Variants in LHFPL6 observed in about 807,000 individuals in gnomAD.
The protein encoded by LHFPL6 is LHFPL tetraspan subfamily member 6, also known as LHFPL tetraspan subfamily member 6 protein.
Under a neutral mutation model 20.6 loss-of-function variants are expected in LHFPL6, and 9 were observed. That is an observed-to-expected ratio of 0.44 (90% CI 0.26 to 0.76). The LOEUF is 0.76. LHFPL6 is among the 30% of genes least tolerant of loss of function. The pLI is 0.20. For missense variants in LHFPL6, 218 were observed against 253.5 expected (o/e 0.86, Z 0.95); for synonymous variants, 105 against 98.7 (o/e 1.06, Z -0.38).
chr13:39,578,500 G>C (rs1872185617), intron 2 of LHFPL6, among the ~76,000 whole-genome samples: 1 of 152,154 alleles, frequency 6.6e-6, no homozygotes, highest in African/African-American at 2.4e-5. Context: ...TCTGCATTGT[G>C]CCATGAGGTG....
chr13:39,470,435 A>C lies in LHFPL6; in HGVS notation c.386-91909T>G, dbSNP rs1872914414. 2.0e-5 allele frequency among the ~76,000 whole-genome samples: 3 copies of C among 152,160 alleles called. No individual in the cohort carries two copies. The South Asian group carries it at 6.2e-4, about 31-fold the overall frequency. On this transcript the variant is annotated intron_variant, in intron 2 of 3. Transcript: ENST00000379589. ...ATGCCAGTTTTTATACGGTAATTAA[A>C]CACTGGCTACTAAGAGCTAAATTAA...
intron 2 of LHFPL6, among the ~76,000 whole-genome samples, chr13:39,496,803 G>A (rs991659875): frequency 1.3e-5 from 2 of 152,164 alleles, no homozygotes; most frequent in African/African-American, 4.8e-5. Context: ...GGTGGCAGGT[G>A]CCAGAGGCAT....
intron 2 of LHFPL6, among the ~76,000 whole-genome samples, chr13:39,594,040 C>G (rs969668584): frequency 6.6e-6 from 1 of 152,068 alleles, no homozygotes; most frequent in African/African-American, 2.4e-5. Flanking sequence ...CATTACCATT[C>G]AGGACATAGG....
At chr13:39,510,532 GC>G (rs1284633719) in intron 2 of LHFPL6, among the ~76,000 whole-genome samples, 1 of 152,184 alleles carries the variant, frequency 6.6e-6, no homozygotes, top group Non-Finnish European at 1.5e-5. Flanking sequence ...GATAGCAGAT[GC>G]CTGAGAAACT....
chr13:39,359,550 T>G (rs576723062), intron 3 of LHFPL6, among the ~76,000 whole-genome samples: 1 of 152,148 alleles, frequency 6.6e-6, no homozygotes, highest in African/African-American at 2.4e-5. Flanking sequence ...AAATACCACA[T>G]GTTCTCATTT....
chr13:39,368,562 CAG>C (rs1297800373), intron 3 of LHFPL6, among the ~76,000 whole-genome samples: 1 of 152,062 alleles, frequency 6.6e-6, no homozygotes, highest in Non-Finnish European at 1.5e-5. Flanking sequence ...AGCCTGGCAA[CAG>C]AGTGAGACTC....
intron 2 of LHFPL6, among the ~76,000 whole-genome samples, chr13:39,501,437 C>G (rs1233939162): frequency 2.0e-4 from 30 of 152,246 alleles, no homozygotes; most frequent in Non-Finnish European, 2.9e-5. Context: ...CTCCCGAATT[C>G]AATTAAAATT....
At chr13:39,600,743 T>G (rs1168702630) in intron 2 of LHFPL6, 89 bp downstream of exon 2, 1 of 1,299,174 alleles carries the variant, frequency 7.7e-7, no homozygotes, top group South Asian at 2.4e-5. Flanking sequence ...CAGGTGTCAT[T>G]TATAATAATC....
intron 2 of LHFPL6, among the ~76,000 whole-genome samples, chr13:39,418,595 C>T (rs188130144): frequency 5.9e-5 from 9 of 152,126 alleles, no homozygotes; most frequent in African/African-American, 2.2e-4. Flanking sequence ...ATGTGTGCAG[C>T]CCCTAAAGAT....
At chr13:39,584,724 T>C (rs1303404490) in intron 2 of LHFPL6, among the ~76,000 whole-genome samples, 3 of 151,954 alleles carry the variant, frequency 2.0e-5, no homozygotes, top group South Asian at 2.1e-4. Flanking sequence ...TCCCTTTAGA[T>C]TGGGTAATGC....
At chr13:39,471,181 A>G (rs1010733986) in intron 2 of LHFPL6, among the ~76,000 whole-genome samples, 1 of 152,208 alleles carries the variant, frequency 6.6e-6, no homozygotes, top group Non-Finnish European at 1.5e-5. Context: ...TTGGAGGAGA[A>G]GATGCCTGCA....
chr13:39,452,127 G>C (rs200832183), intron 2 of LHFPL6, among the ~76,000 whole-genome samples: 1 of 125,174 alleles, frequency 8.0e-6, no homozygotes, highest in African/African-American at 3.2e-5. Context: ...GGATATAACA[G>C]AGAGTTTAAA....
chr13:39,591,418 C>T (rs554497583), intron 2 of LHFPL6, among the ~76,000 whole-genome samples: 1 of 152,208 alleles, frequency 6.6e-6, no homozygotes, highest in South Asian at 2.1e-4. Flanking sequence ...CTAACCATCA[C>T]CTAAGGTCAG....
At chr13:39,488,323 T>C (rs1009565702) in intron 2 of LHFPL6, among the ~76,000 whole-genome samples, 1 of 152,200 alleles carries the variant, frequency 6.6e-6, no homozygotes, top group South Asian at 2.1e-4. Flanking sequence ...GCAATCCAAA[T>C]GGACTAAGAC....
At chr13:39,521,155 T>C (rs1427964777) in intron 2 of LHFPL6, among the ~76,000 whole-genome samples, 1 of 152,032 alleles carries the variant, frequency 6.6e-6, no homozygotes, top group Non-Finnish European at 1.5e-5. Flanking sequence ...CTGCAGCCTT[T>C]AAGACAGATC....
At chr13:39,593,512 T>C (rs1277847897) in intron 2 of LHFPL6, among the ~76,000 whole-genome samples, 1 of 151,848 alleles carries the variant, frequency 6.6e-6, no homozygotes, top group African/African-American at 2.4e-5. Flanking sequence ...GTAGGAAGAA[T>C]CAATATCGTG....
At chr13:39,468,984 T>C (rs1281746957) in intron 2 of LHFPL6, among the ~76,000 whole-genome samples, 1 of 152,178 alleles carries the variant, frequency 6.6e-6, no homozygotes, top group Non-Finnish European at 1.5e-5. Flanking sequence ...TAAGTTAGTA[T>C]GCCTCAGGCT....
At chr13:39,470,230 T>G (rs1364019303) in intron 2 of LHFPL6, among the ~76,000 whole-genome samples, 1 of 152,230 alleles carries the variant, frequency 6.6e-6, no homozygotes, top group Non-Finnish European at 1.5e-5. Context: ...TCAAATATAA[T>G]ATTTTGTGCT....
chr13:39,569,460 A>G (rs1216018494), intron 2 of LHFPL6, among the ~76,000 whole-genome samples: 2 of 152,178 alleles, frequency 1.3e-5, no homozygotes, highest in Non-Finnish European at 2.9e-5. Context: ...ATACAGGTCA[A>G]TAATTTTATG....
Sources: allele counts gnomAD v4.1 joint callset (sites outside exome capture counted in the v4.1 genomes callset), GRCh38; gene constraint gnomAD v4.1.1; transcripts MANE v1.5; gene names NCBI Gene and HGNC (gene_info 2026-07-23, HGNC 2026-07-21).